NPAS3: variants seen among roughly 807,000 people sequenced by gnomAD.
NPAS3 encodes the protein neuronal PAS domain protein 3, also known as neuronal PAS domain-containing protein 3.
A neutral mutation model predicts 73.1 loss-of-function variants in NPAS3; 14 were observed. The observed-to-expected ratio is 0.19, with a 90% confidence interval of 0.13 to 0.30. The LOEUF is 0.30. Among genes scored for constraint, NPAS3 ranks in the 10% least tolerant of loss-of-function variants. The pLI is 1.00. For missense variants in NPAS3, 1,096 were observed against 1,250.0 expected (o/e 0.88, Z 1.86); for synonymous variants, 620 against 541.5 (o/e 1.14, Z -2.01).
intron 1 of NPAS3, among the ~76,000 whole-genome samples, chr14:32,955,424 C>G (rs2036637014): frequency 6.6e-6 from 1 of 151,774 alleles, no homozygotes; most frequent in Non-Finnish European, 1.5e-5. Flanking sequence ...GCTAAGACAT[C>G]AAGCTCTAAG....
chr14:33,720,016 G>A (rs1183787119), intron 6 of NPAS3, among the ~76,000 whole-genome samples: 2 of 152,060 alleles, frequency 1.3e-5, no homozygotes, highest in Non-Finnish European at 2.9e-5. Flanking sequence ...ATTACATTAA[G>A]AGGAACAAAT....
intron 2 of NPAS3, among the ~76,000 whole-genome samples, chr14:33,073,921 G>A (rs1293522482): frequency 1.3e-5 from 2 of 152,178 alleles, no homozygotes; most frequent in East Asian, 3.9e-4. Context: ...AGATTGTTTC[G>A]TGTTTTATTT....
At chr14:33,491,447 C>T (rs2051892629) in intron 4 of NPAS3, among the ~76,000 whole-genome samples, 1 of 152,116 alleles carries the variant, frequency 6.6e-6, no homozygotes, top group African/African-American at 2.4e-5. Context: ...TGGAAACATT[C>T]TATTTTGCAC....
chr14:33,758,520 G>A (rs2062185732), intron 7 of NPAS3, among the ~76,000 whole-genome samples: 1 of 152,152 alleles, frequency 6.6e-6, no homozygotes, highest in African/African-American at 2.4e-5. Context: ...TTTAAATAGG[G>A]GAAAAGAAAG....
intron 1 of NPAS3, among the ~76,000 whole-genome samples, chr14:32,945,448 C>T (rs2036211642): frequency 6.6e-6 from 1 of 152,148 alleles, no homozygotes; most frequent in South Asian, 2.1e-4. Context: ...TCTTTAGTTT[C>T]CCCACTGACC....
chr14:33,456,602 G>T (rs72680171), intron 4 of NPAS3, among the ~76,000 whole-genome samples: 3,984 of 152,260 alleles, frequency 0.026, 81 homozygotes, highest in Non-Finnish European at 0.039. Context: ...AGCTAGTGTT[G>T]TTGATCAATA....
chr14:33,617,739 A>G (rs187485580), intron 5 of NPAS3, among the ~76,000 whole-genome samples: 1 of 152,304 alleles, frequency 6.6e-6, no homozygotes, highest in Non-Finnish European at 1.5e-5. Context: ...GCTGTGCCAC[A>G]TTAGGCATCC....
chr14:33,649,229 G>A (rs1361644994), intron 5 of NPAS3, among the ~76,000 whole-genome samples: 1 of 152,176 alleles, frequency 6.6e-6, no homozygotes, highest in Admixed American at 6.5e-5. Context: ...GTTAACACCT[G>A]TTCTCAAATA....
chr14:33,013,943 A>T (rs2139663927), intron 1 of NPAS3, among the ~76,000 whole-genome samples: 1 of 152,296 alleles, frequency 6.6e-6, no homozygotes, highest in East Asian at 1.9e-4. Flanking sequence ...CAGTAACAAC[A>T]TGGAAATGTC....
intron 5 of NPAS3, among the ~76,000 whole-genome samples, chr14:33,663,723 CTTG>C (rs1198830079): frequency 6.6e-6 from 1 of 152,036 alleles, no homozygotes; most frequent in Non-Finnish European, 1.5e-5. Context: ...AATTTCAGAA[CTTG>C]TTATTGGTCT....
intron 3 of NPAS3, among the ~76,000 whole-genome samples, chr14:33,279,042 T>G (rs1275516094): frequency 6.6e-6 from 1 of 152,154 alleles, no homozygotes; most frequent in Non-Finnish European, 1.5e-5. Flanking sequence ...CCAGTGGTTC[T>G]CAAACTTCAG....
chr14:33,800,438 A>T lies in NPAS3; in HGVS notation c.2131A>T (p.Ile711Phe). 6.3e-7 allele frequency: 1 copy of T among 1,577,654 alleles called. No individual in the cohort carries two copies. Reference sequence around the variant, plus strand: ...CGGTGGCGGGGGGCTGCACGTGGCCATTCCCGACTCGGTCCTCACCCCGCC... The same window carrying T: ...CGGTGGCGGGGGGCTGCACGTGGCCTTTCCCGACTCGGTCCTCACCCCGCC... The change falls in exon 12 of 12, where the codon ATT becomes TTT. Residue 711 changes from isoleucine to phenylalanine, a missense_variant. Physicochemically the swap from Ile to Phe is conservative, Grantham distance 21 (BLOSUM62 0). Coordinates refer to ENST00000356141, the Ensembl canonical transcript of NPAS3. The surrounding 1 kb of genome is among the most constrained non-coding windows in gnomAD (Gnocchi z 6.5).
intron 9 of NPAS3, among the ~76,000 whole-genome samples, chr14:33,789,262 C>T (rs1216706196): frequency 6.6e-6 from 1 of 152,178 alleles, no homozygotes; most frequent in Non-Finnish European, 1.5e-5. Flanking sequence ...CACCTCTGTC[C>T]TCTGAAGAGC....
chr14:33,027,349 C>T (rs371351599), intron 1 of NPAS3, among the ~76,000 whole-genome samples: 4 of 152,096 alleles, frequency 2.6e-5, no homozygotes, highest in East Asian at 1.9e-4. Context: ...GAATACGAAT[C>T]GTTGGAAAAG....
chr14:33,101,205 C>T (rs183077983), intron 2 of NPAS3, among the ~76,000 whole-genome samples: 120 of 152,218 alleles, frequency 7.9e-4, no homozygotes, highest in African/African-American at 2.8e-3. Flanking sequence ...TGAGTGTTTG[C>T]CAATTTAAAC....
At chr14:33,450,141 G>A (rs2049723680) in intron 4 of NPAS3, among the ~76,000 whole-genome samples, 1 of 152,194 alleles carries the variant, frequency 6.6e-6, no homozygotes, top group African/African-American at 2.4e-5. Context: ...TACAGGCAGT[G>A]CCACAATTTC....
chr14:33,454,214 C>T (rs2049927254), intron 4 of NPAS3, among the ~76,000 whole-genome samples: 1 of 152,130 alleles, frequency 6.6e-6, no homozygotes, highest in Non-Finnish European at 1.5e-5. Flanking sequence ...TATATTAATG[C>T]CAAGTCAGCT....
chr14:33,498,627 T>C (rs2139884532), intron 4 of NPAS3, among the ~76,000 whole-genome samples: 1 of 151,822 alleles, frequency 6.6e-6, no homozygotes, highest in East Asian at 2.0e-4. Context: ...CACTCGTAAG[T>C]GGGAGTTGAA....
intron 3 of NPAS3, among the ~76,000 whole-genome samples, chr14:33,277,542 G>C (rs2041393025): frequency 6.6e-6 from 1 of 152,088 alleles, no homozygotes; most frequent in Non-Finnish European, 1.5e-5. Flanking sequence ...TAGGTAAAAG[G>C]AATAGAGTAC....
Sources: allele counts gnomAD v4.1 joint callset (sites outside exome capture counted in the v4.1 genomes callset), GRCh38; gene constraint gnomAD v4.1.1; non-coding constraint Gnocchi (gnomAD v3.1); transcripts MANE v1.5; gene names NCBI Gene and HGNC (gene_info 2026-07-23, HGNC 2026-07-21).